The following ADAMTSL1 variants were observed in gnomAD, a reference collection of about 807,000 sequenced individuals.
ADAMTSL1 encodes ADAMTS-like protein 1.
A neutral mutation model predicts 201.8 loss-of-function variants in ADAMTSL1; 126 were observed. That is an observed-to-expected ratio of 0.62 (90% confidence interval 0.54 to 0.72). The LOEUF is 0.72. Ranked by LOEUF, ADAMTSL1 falls within the 30% of genes least tolerant of loss-of-function variation. ADAMTSL1 has a pLI of 0.00. For missense variants in ADAMTSL1, 2,679 were observed against 2,277.8 expected (o/e 1.18, Z -3.59); for synonymous variants, 1,121 against 903.4 (o/e 1.24, Z -4.32).
At chr9:18,360,152 G>C (rs905068943) in intron 2 of ADAMTSL1, among the ~76,000 whole-genome samples, 25 of 152,058 alleles carry the variant, frequency 1.6e-4, no homozygotes, top group African/African-American at 6.0e-4. Flanking sequence ...GTCTGGTGTA[G>C]CTTTCTTAGG....
At chr9:18,317,905 C>T (rs1442348548) in intron 2 of ADAMTSL1, among the ~76,000 whole-genome samples, 1 of 152,180 alleles carries the variant, frequency 6.6e-6, no homozygotes, top group African/African-American at 2.4e-5. Flanking sequence ...TTAGCCAGCT[C>T]TTTAAGAAGT....
At chr9:18,481,333 T>TC (rs1821718399) in intron 1 of ADAMTSL1, among the ~76,000 whole-genome samples, 1 of 152,014 alleles carries the variant, frequency 6.6e-6, no homozygotes, top group Non-Finnish European at 1.5e-5. Flanking sequence ...TCACCTGAGG[T>TC]CAGGAGTTCG....
intron 2 of ADAMTSL1, among the ~76,000 whole-genome samples, chr9:18,334,471 G>C (rs1835150198): frequency 6.6e-6 from 1 of 152,158 alleles, no homozygotes; most frequent in African/African-American, 2.4e-5. Flanking sequence ...CTTGTTTAAA[G>C]TGCTGCTGTT....
intron 16 of ADAMTSL1, among the ~76,000 whole-genome samples, chr9:18,759,430 A>G (rs552028227): frequency 6.8e-4 from 104 of 152,344 alleles, no homozygotes; most frequent in Non-Finnish European, 1.3e-3. Flanking sequence ...GGATTAGAGA[A>G]CTGAATTCTG....
intron 1 of ADAMTSL1, among the ~76,000 whole-genome samples, chr9:17,971,406 T>C (rs7019795): frequency 0.058 from 8,810 of 152,090 alleles, 539 homozygotes; most frequent in African/African-American, 0.16. Context: ...CTAAAAACTA[T>C]CAATACTACT....
chr9:17,948,633 CT>C (rs145706664), intron 1 of ADAMTSL1, among the ~76,000 whole-genome samples: 1,883 of 152,292 alleles, frequency 0.012, 14 homozygotes, highest in Non-Finnish European at 0.02. Flanking sequence ...ACAGTGATAT[CT>C]TTGTTACAGC....
intron 2 of ADAMTSL1, among the ~76,000 whole-genome samples, chr9:18,348,216 T>C (rs1188762366): frequency 2.0e-5 from 3 of 152,166 alleles, no homozygotes; most frequent in African/African-American, 7.2e-5. Flanking sequence ...TTAGTTAACT[T>C]GGATGGTTAA....
At chr9:18,042,390 C>T (rs765072232) in intron 1 of ADAMTSL1, among the ~76,000 whole-genome samples, 1 of 152,054 alleles carries the variant, frequency 6.6e-6, no homozygotes, top group Non-Finnish European at 1.5e-5. Flanking sequence ...TATATGCCAG[C>T]AACTTTCATG....
chr9:18,034,454 A>G (rs2131616042), intron 1 of ADAMTSL1, among the ~76,000 whole-genome samples: 1 of 152,316 alleles, frequency 6.6e-6, no homozygotes, highest in South Asian at 2.1e-4. Flanking sequence ...TCTATCTCCT[A>G]GAAATATCCA....
At chr9:18,022,856 G>C (rs1820535806) in intron 1 of ADAMTSL1, among the ~76,000 whole-genome samples, 1 of 151,982 alleles carries the variant, frequency 6.6e-6, no homozygotes. Flanking sequence ...TTTGGTTCCG[G>C]AATAACCATG....
intron 11 of ADAMTSL1, 117 bp downstream of exon 11, chr9:18,680,633 C>T (rs182952682): frequency 8.8e-7 from 1 of 1,131,470 alleles, no homozygotes; most frequent in African/African-American, 1.5e-5. Context: ...TGTCTAGAAG[C>T]CTACCAGCTT....
intron 1 of ADAMTSL1, among the ~76,000 whole-genome samples, chr9:18,132,184 G>A (rs1358542496): frequency 2.0e-5 from 3 of 151,992 alleles, no homozygotes; most frequent in Admixed American, 2.0e-4. Context: ...CAAAAGTGCT[G>A]TCCCCGGGGA....
chr9:18,869,906 C>G (rs1827779973), intron 23 of ADAMTSL1, among the ~76,000 whole-genome samples: 1 of 151,894 alleles, frequency 6.6e-6, no homozygotes, highest in African/African-American at 2.4e-5. Context: ...CTTTCATGGC[C>G]TCCAATTAGA....
chr9:18,381,492 T>C (rs1837552621), intron 2 of ADAMTSL1, among the ~76,000 whole-genome samples: 1 of 152,202 alleles, frequency 6.6e-6, no homozygotes, highest in Non-Finnish European at 1.5e-5. Context: ...TATTTTAGAA[T>C]AGGGCCTCAC....
chr9:18,657,598 G>T (rs765849326), intron 7 of ADAMTSL1, 41 bp from the exon 8 acceptor site: 53 of 1,479,772 alleles, frequency 3.6e-5, no homozygotes, highest in Non-Finnish European at 4.8e-5. Context: ...AGAAAGCACC[G>T]CACTGTCACA....
chr9:18,708,431 C>G (rs1832352945), intron 14 of ADAMTSL1, among the ~76,000 whole-genome samples: 1 of 152,204 alleles, frequency 6.6e-6, no homozygotes, highest in African/African-American at 2.4e-5. Context: ...CCAAATGATT[C>G]CGGAAGACAG....
chr9:18,326,466 C>T (rs1464626538), intron 2 of ADAMTSL1, among the ~76,000 whole-genome samples: 1 of 150,186 alleles, frequency 6.7e-6, no homozygotes, highest in Non-Finnish European at 1.5e-5. Flanking sequence ...GAGGAGTCAA[C>T]AATTTGAGAC....
intron 23 of ADAMTSL1, among the ~76,000 whole-genome samples, chr9:18,881,041 T>C (rs1828500610): frequency 6.6e-6 from 1 of 152,214 alleles, no homozygotes; most frequent in Admixed American, 6.5e-5. Flanking sequence ...TCTCTCAGCC[T>C]TCATAGAATT....
intron 1 of ADAMTSL1, among the ~76,000 whole-genome samples, chr9:17,959,808 C>T (rs1817660991): frequency 6.6e-6 from 1 of 152,072 alleles, no homozygotes; most frequent in Admixed American, 6.6e-5. Flanking sequence ...CTGACCCCTG[C>T]ATTGTGTCCT....
Sources: gnomAD v4.1 joint callset for allele counts (sites outside exome capture counted in the v4.1 genomes callset) on GRCh38, gnomAD v4.1.1 for gene constraint, MANE v1.5 for transcripts, NCBI Gene and HGNC (gene_info 2026-07-23, HGNC 2026-07-21) for gene names.